Variants in ARHGEF3 observed in about 807,000 individuals in gnomAD.
ARHGEF3 encodes the protein Rho guanine nucleotide exchange factor 3.
In ARHGEF3, 28 loss-of-function variants were observed where a neutral mutation model predicts 63.2. The ratio of observed to expected loss-of-function variants is 0.44; its 90% CI spans 0.33 to 0.61. The LOEUF is 0.61. ARHGEF3 is among the 20% of genes least tolerant of loss of function. The probability of loss-of-function intolerance (pLI) is 0.03; values close to 1 mark genes in which losing one functional copy is unlikely to be tolerated. For synonymous variants in ARHGEF3, 266 were observed against 254.2 expected (o/e 1.05, Z -0.44); for missense variants, 533 against 659.3 (o/e 0.81, Z 2.10).
At chr3:56,758,786 C>G (rs947490778) in intron 2 of ARHGEF3, among the ~76,000 whole-genome samples, 1 of 152,186 alleles carries the variant, frequency 6.6e-6, no homozygotes, top group Non-Finnish European at 1.5e-5. Context: ...TAGCCACAAG[C>G]ATTAAAAGGT....
intron 2 of ARHGEF3, among the ~76,000 whole-genome samples, chr3:57,001,332 T>C (rs142400467): frequency 1.5e-3 from 230 of 152,372 alleles, no homozygotes; most frequent in African/African-American, 5.3e-3. Context: ...CTTGATTATA[T>C]GGATATAAGC....
At chr3:56,815,008 G>A (rs2108016663) in intron 4 of ARHGEF3, among the ~76,000 whole-genome samples, 1 of 152,226 alleles carries the variant, frequency 6.6e-6, no homozygotes, top group South Asian at 2.1e-4. Context: ...GCCAGGCACA[G>A]TGGCATATGC....
intron 2 of ARHGEF3, among the ~76,000 whole-genome samples, chr3:57,029,429 C>CA (rs58665707): frequency 0.17 from 24,362 of 140,820 alleles, 2,132 homozygotes; most frequent in East Asian, 0.33. Context: ...AACTCCGTCT[C>CA]AAAAAAAAAA....
chr3:56,776,480 A>G (rs1195502140), intron 1 of ARHGEF3, among the ~76,000 whole-genome samples: 26 of 152,214 alleles, frequency 1.7e-4, no homozygotes. Flanking sequence ...CTTACAGGTT[A>G]TTGGATCTAT....
rs1338483882 is a variant in ARHGEF3 at position 56,955,499 on chromosome 3, G to A, written c.129+3324C>T. ...ATTACAGGCATGAGCCACTGCGCCC[G>A]GCCTGGATCCCTTTTCTTTGCAAGA... is the stretch of plus-strand genomic sequence containing the variant. On this transcript the variant is annotated intron_variant, in intron 3 of 12. Coordinates refer to the ARHGEF3 transcript ENST00000338458. Among the ~76,000 whole-genome samples the A allele has an allele frequency of 3.9e-5, 6 of 152,096 alleles. No individual in the cohort carries two copies. The South Asian group carries it at 8.3e-4, about 21-fold the overall frequency.
chr3:56,775,780 ACACACACACACACGCGCAAG>A (rs890082566), intron 1 of ARHGEF3: 26 of 419,374 alleles, frequency 6.2e-5, no homozygotes, highest in African/African-American at 8.9e-5. Context: ...TACTGAATAC[ACACACACACACACGCGCAAG>A]CACACACACA....
chr3:56,989,619 G>A (rs889323574), intron 2 of ARHGEF3, among the ~76,000 whole-genome samples: 4 of 152,238 alleles, frequency 2.6e-5, no homozygotes, highest in Middle Eastern at 3.4e-3. Flanking sequence ...TGTGACACAC[G>A]CCCAGACTCA....
At chr3:56,880,281 G>T (rs921250894) in intron 4 of ARHGEF3, among the ~76,000 whole-genome samples, 29 of 152,064 alleles carry the variant, frequency 1.9e-4, no homozygotes, top group Admixed American at 9.2e-4. Context: ...TCTTTAATGT[G>T]ATAAAACATA....
chr3:56,834,578 T>C (rs971646453), intron 4 of ARHGEF3, among the ~76,000 whole-genome samples: 1 of 151,886 alleles, frequency 6.6e-6, no homozygotes, highest in Non-Finnish European at 1.5e-5. Context: ...CATCAAACTT[T>C]GTGAAACCCT....
At chr3:56,826,217 T>C (rs139555941) in intron 4 of ARHGEF3, among the ~76,000 whole-genome samples, 128 of 152,340 alleles carry the variant, frequency 8.4e-4, no homozygotes, top group Admixed American at 1.3e-3. Flanking sequence ...GATCCAGCCA[T>C]GCCTGAAGGT....
intron 1 of ARHGEF3, chr3:57,073,543 C>T (rs766929833): frequency 1.6e-5 from 21 of 1,334,622 alleles, no homozygotes; most frequent in East Asian, 1.5e-4. Flanking sequence ...TTGAGCACCC[C>T]GGGATGATTG....
chr3:56,973,048 G>A lies in ARHGEF3; in HGVS notation c.63-14159C>T, dbSNP rs531688920. ...TTTTTTTTTTTTGAGATGGAGTCTCGCTCTGTCGCCCAGGCTGGAGTGCAG... is the reference window on the plus strand; with the variant it reads ...TTTTTTTTTTTTGAGATGGAGTCTCACTCTGTCGCCCAGGCTGGAGTGCAG... On this transcript the variant is annotated intron_variant, in intron 2 of 12. Coordinates refer to the ARHGEF3 transcript ENST00000338458. Among the ~76,000 whole-genome samples the A allele has an allele frequency of 6.0e-5, 9 of 150,268 alleles. No individual in the cohort carries two copies. In the South Asian group the frequency reaches 1.0e-3, roughly 17 times the overall value.
At chr3:56,838,954 AC>A (rs3034848) in intron 4 of ARHGEF3, among the ~76,000 whole-genome samples, 5 of 151,594 alleles carry the variant, frequency 3.3e-5, no homozygotes, top group Non-Finnish European at 5.9e-5. Context: ...ACATAGTGAG[AC>A]CCCCCTATCT....
Position 56,920,184 on chromosome 3 carries a change from A to T in ARHGEF3, c.130-37830T>A, listed in dbSNP as rs9311630. Among the ~76,000 whole-genome samples, 258 of 152,100 alleles carry T rather than the reference A, an allele frequency of 1.7e-3. 1 individual carries two copies. Among genetic ancestry groups the T allele is most frequent in the African/African-American group, 5.8e-3 (239 of 41,466 alleles). ...TTTCAGGGTATGGTATTTTTCTTTCAGTATATAGAGTTGAATCATATATTT... is the reference window on the plus strand; with the variant it reads ...TTTCAGGGTATGGTATTTTTCTTTCTGTATATAGAGTTGAATCATATATTT... On this transcript the variant is annotated intron_variant, in intron 3 of 12. Coordinates refer to the ARHGEF3 transcript ENST00000338458.
At chr3:56,732,160 T>G (rs1559881199) in intron 9 of ARHGEF3, 78 bp downstream of exon 9, 1 of 1,551,962 alleles carries the variant, frequency 6.4e-7, no homozygotes. Context: ...GGCTTTTCTC[T>G]TTCCACCAGC....
At chr3:56,781,011 T>A (rs1395562320) in intron 1 of ARHGEF3, among the ~76,000 whole-genome samples, 1 of 152,232 alleles carries the variant, frequency 6.6e-6, no homozygotes, top group Non-Finnish European at 1.5e-5. Flanking sequence ...AGAGTCACAC[T>A]AGTTTAGAGT....
Position 56,827,522 on chromosome 3 carries a change from C to T in ARHGEF3, c.193-53706G>A, listed in dbSNP as rs531203817. Among the ~76,000 whole-genome samples the T allele has an allele frequency of 9.8e-4, 149 of 152,042 alleles. 2 individuals carry two copies. The highest frequency in any genetic ancestry group is 3.3e-3 in the African/African-American group (136 of 41,466). The stretch of plus-strand genomic sequence containing the variant: ...TAATCTTCACCTTGCATGGCTGTTG[C>T]GAGGATTAAATGCACATGAATGCAC... On this transcript the variant is annotated intron_variant, in intron 4 of 12. Coordinates refer to the ARHGEF3 transcript ENST00000338458.
intron 1 of ARHGEF3, among the ~76,000 whole-genome samples, chr3:57,059,799 C>G (rs1705122791): frequency 6.8e-6 from 1 of 147,360 alleles, no homozygotes. Flanking sequence ...GAGTTCAAGA[C>G]CAGCCTGACA....
At chr3:56,895,599 G>A (rs553588413) in intron 3 of ARHGEF3, among the ~76,000 whole-genome samples, 2 of 152,186 alleles carry the variant, frequency 1.3e-5, no homozygotes, top group African/African-American at 2.4e-5. Flanking sequence ...GAGCAGGTGG[G>A]ACTACAGGAG....
Sources: allele counts gnomAD v4.1 joint callset (sites outside exome capture counted in the v4.1 genomes callset), GRCh38; gene constraint gnomAD v4.1.1; transcripts MANE v1.5; gene names NCBI Gene and HGNC (gene_info 2026-07-23, HGNC 2026-07-21).